Variants in TRANK1 observed in about 807,000 individuals in gnomAD.
TRANK1 encodes TPR and ankyrin repeat-containing protein 1.
TRANK1 carries 198 observed loss-of-function variants against 266.0 expected under a neutral mutation model. The ratio of observed to expected loss-of-function variants is 0.74; its 90% confidence interval spans 0.66 to 0.84. The LOEUF (loss-of-function observed/expected upper bound fraction) is 0.84. Among genes scored for constraint, TRANK1 ranks in the 40% least tolerant of loss-of-function variants. TRANK1 has a pLI of 0.00. For missense variants in TRANK1, 3,326 were observed against 3,634.6 expected (o/e 0.92, Z 2.18); for synonymous variants, 1,396 against 1,384.1 (o/e 1.01, Z -0.19).
At chr3:36,909,738 T>G (rs1036356384) in intron 1 of TRANK1, among the ~76,000 whole-genome samples, 5 of 152,220 alleles carry the variant, frequency 3.3e-5, no homozygotes, top group African/African-American at 1.2e-4. Flanking sequence ...TTAAACAATT[T>G]GACTTCTTGG....
intron 9 of TRANK1, among the ~76,000 whole-genome samples, chr3:36,866,149 AT>A (rs1281516151): frequency 1.3e-5 from 2 of 152,180 alleles, no homozygotes; most frequent in African/African-American, 4.8e-5. Flanking sequence ...AAAATGACAA[AT>A]TTTTTTTATT....
At position 36,838,503 on chromosome 3, in the gene TRANK1, C is replaced by T; in HGVS notation, c.5386G>A (p.Glu1796Lys). Residue 1796 changes from glutamate to lysine, a missense_variant and splice_region_variant, in exon 20 of 24, where the codon GAA (glutamate) becomes AAA (lysine). Coordinates refer to ENST00000645898, the MANE Select transcript of TRANK1 (RefSeq NM_001329998.2). The stretch of plus-strand genomic sequence containing the variant: ...AATTCCAAATATTCCAACTGCTTTT[C>T]CCTAGGGGAAGGAAAACAAAATAAT... ...SMKSKKVSPK[E>K]KQLEYLELAK... 5 of 1,614,040 alleles carry T rather than the reference C, an allele frequency of 3.1e-6. No individual in the cohort carries two copies. The highest frequency in any genetic ancestry group is 4.2e-6 in the Non-Finnish European group (5 of 1,179,912).
At chr3:36,833,983 A>C in intron 21 of TRANK1, 64 bp from the exon 22 acceptor site, 1 of 1,491,750 alleles carries the variant, frequency 6.7e-7, no homozygotes. Flanking sequence ...ATTTCCTCCA[A>C]AATACAGTGC....
chr3:36,847,181 A>C lies in TRANK1; in HGVS notation c.5034+19T>G. 1 of 1,608,452 alleles carries C rather than the reference A, an allele frequency of 6.2e-7. No homozygotes were observed. The highest frequency in any genetic ancestry group is 8.5e-7 in the Non-Finnish European group (1 of 1,176,444). On this transcript the variant is annotated intron_variant, in intron 16 of 23. Transcript: ENST00000645898. ...ACTTCCATGTCAAGTACATGTGTTGACAAATGGCAGAAATTCACCTTGTAC... is the reference window on the plus strand; with the variant it reads ...ACTTCCATGTCAAGTACATGTGTTGCCAAATGGCAGAAATTCACCTTGTAC...
rs182739228 is a variant in TRANK1 at position 36,935,230 on chromosome 3, G to A, written c.23+9557C>T. Among the ~76,000 whole-genome samples the A allele has an allele frequency of 8.0e-4, 122 of 152,220 alleles. 1 individual carries two copies. Among genetic ancestry groups the A allele is most frequent in the Non-Finnish European group, 4.3e-4 (29 of 68,022 alleles). On this transcript the variant is annotated intron_variant, in intron 1 of 23. Transcript: ENST00000645898. Reference sequence around the variant, plus strand: ...CTCCCTGCATGCCCACCCCGGGAGGGTGAGGGGCCACAGTCACTGCTGCTG... The same window carrying A: ...CTCCCTGCATGCCCACCCCGGGAGGATGAGGGGCCACAGTCACTGCTGCTG...
Position 36,857,995 on chromosome 3 carries a change from G to C in TRANK1, c.1727C>G (p.Pro576Arg). The C allele has an allele frequency of 1.3e-6, 2 of 1,596,822 alleles. No individual in the cohort carries two copies. The highest frequency in any genetic ancestry group is 1.7e-6 in the Non-Finnish European group (2 of 1,178,114). ...GGGGTTGAGGTAGTCGAATTCAGTG[G>C]GGTTGGACCAAAACAGATCCAACAG... ...SHLLDLFWSNPTEFDYLNPNV... is the reference protein window; with the variant it reads ...SHLLDLFWSNRTEFDYLNPNV... Residue 576 changes from proline (P) to arginine (R), a missense_variant, in exon 13 of 24, where the codon CCC becomes CGC. By Grantham distance (103) the Pro-to-Arg change is moderately radical. Coordinates refer to ENST00000645898, the MANE Select transcript of TRANK1 (RefSeq NM_001329998.2). This position sits in a 1 kb window ranked among gnomAD's most constrained non-coding sequence, Gnocchi z 4.3.
chr3:36,852,775 TAAAAAAAA>T (rs761417309), intron 13 of TRANK1, among the ~76,000 whole-genome samples: 1 of 120,216 alleles, frequency 8.3e-6, no homozygotes, highest in Non-Finnish European at 1.7e-5. Flanking sequence ...CCATCTCAAT[TAAAAAAAA>T]AAAAAAAAAA....
intron 1 of TRANK1, among the ~76,000 whole-genome samples, chr3:36,924,263 T>G (rs1407846077): frequency 6.6e-6 from 1 of 152,174 alleles, no homozygotes; most frequent in East Asian, 1.9e-4. Context: ...AAGTGCTCTT[T>G]TCTAATAGGT....
chr3:36,840,750 G>A (rs148429366), intron 18 of TRANK1, among the ~76,000 whole-genome samples: 152 of 152,104 alleles, frequency 1.0e-3, no homozygotes, highest in Admixed American at 8.6e-3. Flanking sequence ...CTGTCCCCCC[G>A]GTCCCCTGAG....
At chr3:36,930,446 A>C (rs2080346381) in intron 1 of TRANK1, among the ~76,000 whole-genome samples, 1 of 152,204 alleles carries the variant, frequency 6.6e-6, no homozygotes. Flanking sequence ...AAACCAGCCA[A>C]GCTAGCCCAC....
chr3:36,875,150 G>C (rs981956037), intron 8 of TRANK1, among the ~76,000 whole-genome samples: 12 of 152,164 alleles, frequency 7.9e-5, no homozygotes, highest in African/African-American at 2.9e-4. Flanking sequence ...ACTAGCCTAG[G>C]TGCTGCTGTG....
chr3:36,851,944 A>G, intron 14 of TRANK1, 88 bp from the exon 15 acceptor site: 2 of 1,470,474 alleles, frequency 1.4e-6, no homozygotes, highest in African/African-American at 1.4e-5. Flanking sequence ...TAATGTTTTT[A>G]AAGAGAAATG....
chr3:36,838,564 A>T, intron 19 of TRANK1, 49 bp downstream of exon 19: 1 of 1,613,980 alleles, frequency 6.2e-7, no homozygotes, highest in Non-Finnish European at 8.5e-7. Flanking sequence ...CCAATATTTA[A>T]CCTGCTACTC....
intron 1 of TRANK1, among the ~76,000 whole-genome samples, chr3:36,942,060 C>A (rs1361657820): frequency 6.6e-6 from 1 of 152,172 alleles, no homozygotes; most frequent in Non-Finnish European, 1.5e-5. Flanking sequence ...TTTACCTTCC[C>A]CAAACAGGAG....
chr3:36,923,186 C>T (rs571485764), intron 1 of TRANK1, among the ~76,000 whole-genome samples: 11 of 152,130 alleles, frequency 7.2e-5, no homozygotes, highest in Non-Finnish European at 1.6e-4. Context: ...CTGACCGTTG[C>T]CCTCTTGTAA....
In TRANK1 at chr3:36,908,316, CACTT is replaced by C; in HGVS notation, c.155+3_155+6del. On this transcript the variant is annotated splice_donor_5th_base_variant and intron_variant, in intron 2 of 23. Transcript: ENST00000645898. The stretch of plus-strand genomic sequence containing the variant: ...AGAAAAGATGAGGTGAAAATGCAAA[CACTT>C]ACCCCCACTGGTATAACTGCAGGAG... 8.1e-7 allele frequency: 1 copy of C among 1,232,194 alleles called. No homozygotes were observed. The highest frequency in any genetic ancestry group is 1.0e-6 in the Non-Finnish European group (1 of 987,982). 76.3% of individuals were successfully genotyped at this position (1,232,194 alleles called of 1,614,324 possible).
At position 36,834,038 on chromosome 3, in the gene TRANK1, A is replaced by C. The variant is rs2125508106; in HGVS notation, c.5664-119T>G. 3.9e-6 allele frequency: 4 copies of C among 1,015,026 alleles called. No homozygotes were observed. The East Asian group carries it at 1.1e-4, about 27-fold the overall frequency. The allele number at this position is 1,015,026 out of a possible 1,614,324, so 62.9% of individuals were successfully genotyped here. ...TCCCACATGTAGATATTACAAAATA[A>C]AACCTAAACTTGTCAAGCATTCAAG... is the stretch of plus-strand genomic sequence containing the variant. On this transcript the variant is annotated intron_variant, in intron 21 of 23. Coordinates refer to ENST00000645898, the MANE Select transcript of TRANK1 (RefSeq NM_001329998.2).
chr3:36,858,679 C>T (rs1309550227), intron 12 of TRANK1, 39 bp downstream of exon 12: 2 of 1,450,352 alleles, frequency 1.4e-6, no homozygotes, highest in Admixed American at 5.2e-5. Context: ...ATCCAGCTTC[C>T]TCCTCAAGGA....
chr3:36,899,421 A>G (rs1020772462), intron 3 of TRANK1, among the ~76,000 whole-genome samples, 162 bp from the exon 4 acceptor site: 14 of 152,264 alleles, frequency 9.2e-5, no homozygotes, highest in Non-Finnish European at 1.5e-4. Context: ...CCGAGAGATC[A>G]AGGCAGGAGG....
Sources: gnomAD v4.1 joint callset for allele counts (sites outside exome capture counted in the v4.1 genomes callset) on GRCh38, gnomAD v4.1.1 for gene constraint, Gnocchi (gnomAD v3.1) non-coding constraint, MANE v1.5 for transcripts, NCBI Gene and HGNC (gene_info 2026-07-23, HGNC 2026-07-21) for gene names.